The following SLC30A3 variants were observed in gnomAD, a reference collection of about 807,000 sequenced individuals.
The protein encoded by SLC30A3 is solute carrier family 30 member 3.
In SLC30A3, 20 loss-of-function variants were observed where a neutral mutation model predicts 35.6. The observed-to-expected ratio is 0.56, with a 90% confidence interval of 0.39 to 0.82. The LOEUF is 0.82. Ranked by LOEUF, SLC30A3 falls within the 40% of genes least tolerant of loss-of-function variation. The probability of loss-of-function intolerance (pLI) is 0.00; values close to 1 mark genes in which losing one functional copy is unlikely to be tolerated. For synonymous variants in SLC30A3, 217 were observed against 224.7 expected, an observed-to-expected ratio of 0.97 and a Z score of 0.31; for missense variants, 401 against 530.6, an observed-to-expected ratio of 0.76 and a Z score of 2.40.
chr2:27,273,053 T>TAC (rs1443693255), intron 1 of SLC30A3, among the ~76,000 whole-genome samples: 5 of 136,958 alleles, frequency 3.7e-5, no homozygotes, highest in African/African-American at 1.5e-4. Flanking sequence ...AAAAAAAAAA[T>TAC]ATATATATAT....
intron 1 of SLC30A3, among the ~76,000 whole-genome samples, chr2:27,273,671 G>A (rs1677837054): frequency 6.6e-6 from 1 of 152,138 alleles, no homozygotes; most frequent in Non-Finnish European, 1.5e-5. Flanking sequence ...CCCTCTCCCT[G>A]CACTGACCAC....
chr2:27,266,752 C>T (rs1677512414), upstream of SLC30A3, among the ~76,000 whole-genome samples: 1 of 152,096 alleles, frequency 6.6e-6, no homozygotes, highest in East Asian at 1.9e-4. Context: ...CAAAAATTAG[C>T]TGGGTGTGGT....
At chr2:27,275,320 T>C in exon 1 of SLC30A3, 1 of 846,214 alleles carries the variant, frequency 1.2e-6, no homozygotes, top group Non-Finnish European at 1.7e-6. Flanking sequence ...CTACGCTGCC[T>C]TGGGCCGCAG....
At chr2:27,266,060 C>CTTT (rs1237606332), upstream of SLC30A3, among the ~76,000 whole-genome samples, 1 of 136,718 alleles carries the variant, frequency 7.3e-6, no homozygotes, top group African/African-American at 2.7e-5. Context: ...CTGTTTTGTT[C>CTTT]TTTTTTTTTT....
upstream of SLC30A3, among the ~76,000 whole-genome samples, chr2:27,267,537 G>C (rs1413404209): frequency 1.3e-5 from 2 of 152,098 alleles, no homozygotes; most frequent in Non-Finnish European, 2.9e-5. Flanking sequence ...TATCTCACCA[G>C]CTGTAATGCA....
In SLC30A3 at chr2:27,255,518, C is replaced by G. The variant is rs1676799839; in HGVS notation, c.1019-58G>C. ...CCGGGGGAGAAAGAACAGGCAGGGA[C>G]TGAGATAAGGACAGGGAAAGGGGCT... On this transcript the variant is annotated intron_variant, in intron 7 of 7. Coordinates refer to ENST00000233535, the MANE Select transcript of SLC30A3 (RefSeq NM_003459.5). The surrounding 1 kb of genome is among the most constrained non-coding windows in gnomAD (Gnocchi z 5.2). 1 of 1,584,472 alleles carries G rather than the reference C, an allele frequency of 6.3e-7. No individual in the cohort carries two copies. Among genetic ancestry groups the G allele is most frequent in the Admixed American group, 1.8e-5 (1 of 54,732 alleles).
intron 1 of SLC30A3, among the ~76,000 whole-genome samples, chr2:27,259,649 G>A (rs896136643): frequency 1.3e-5 from 2 of 152,122 alleles, no homozygotes; most frequent in Non-Finnish European, 2.9e-5. Flanking sequence ...CACCGCACCC[G>A]GCTCTCATCT....
At chr2:27,259,744 A>G (rs72817533) in intron 1 of SLC30A3, among the ~76,000 whole-genome samples, 36,376 of 152,028 alleles carry the variant, frequency 0.24, 4,643 homozygotes, top group Admixed American at 0.36. Flanking sequence ...GCTAGAGCTG[A>G]GACTAGACCC....
Position 27,256,440 on chromosome 2 carries a change from G to T in SLC30A3, c.964C>A (p.His322Asn), listed in dbSNP as rs1028717452. 1 of 1,614,126 alleles carries T rather than the reference G, an allele frequency of 6.2e-7. No individual in the cohort carries two copies. Among genetic ancestry groups the T allele is most frequent in the Admixed American group, 1.7e-5 (1 of 60,022 alleles). ...TAAGTGAGCGTAAGGGCCCACAGGT[G>T]CAGCTCATGGGTTGCCCGGACTCCT... Reference protein sequence around the residue: ...VPGVRATHELHLWALTLTYHV... With the variant: ...VPGVRATHELNLWALTLTYHV... Residue 322 changes from histidine (H) to asparagine (N), a missense_variant, in exon 7 of 8, where the codon CAC becomes AAC. By Grantham distance (68) the His-to-Asn change is moderately conservative. Transcript: ENST00000233535.
chr2:27,256,328 C>G, intron 7 of SLC30A3, 58 bp downstream of exon 7: 2 of 1,595,030 alleles, frequency 1.3e-6, no homozygotes. Context: ...AGCTATGGTC[C>G]CATGTTTGGG....
intron 6 of SLC30A3, 132 bp downstream of exon 6, chr2:27,256,656 C>A: frequency 1.5e-6 from 2 of 1,363,594 alleles, no homozygotes; most frequent in East Asian, 4.7e-5. Context: ...ATGCCCAAAT[C>A]CTTGTTCCAG....
At chr2:27,259,813 A>C (rs998460995) in intron 1 of SLC30A3, among the ~76,000 whole-genome samples, 2 of 152,072 alleles carry the variant, frequency 1.3e-5, no homozygotes, top group African/African-American at 4.8e-5. Flanking sequence ...GATCTCTGAG[A>C]GCTTTTGGTG....
At chr2:27,256,145 CAA>C (rs1676834167) in intron 7 of SLC30A3, 1 of 549,966 alleles carries the variant, frequency 1.8e-6, no homozygotes, top group Non-Finnish European at 3.3e-6. Flanking sequence ...TGTGCTACTT[CAA>C]AGAGGGTGAA....
intron 1 of SLC30A3, chr2:27,261,863 C>G (rs949462348): frequency 6.6e-6 from 1 of 152,514 alleles, no homozygotes; most frequent in African/African-American, 2.4e-5. Context: ...CTCCCCCAAC[C>G]CAGCTTGAAG....
chr2:27,254,059 A>C lies in SLC30A3; in HGVS notation c.*1253T>G, dbSNP rs1415027085. 1 of 152,196 alleles carries C rather than the reference A, an allele frequency of 6.6e-6. No individual in the cohort carries two copies. Among genetic ancestry groups the C allele is most frequent in the African/African-American group, 2.4e-5 (1 of 41,446 alleles). 9.4% of individuals were successfully genotyped at this position (152,196 alleles called of 1,614,324 possible). A position where few individuals can be genotyped will look rare whatever the true frequency, so the allele number is the denominator to read the frequency against. On this transcript the variant is annotated 3_prime_UTR_variant, in exon 8 of 8. Coordinates refer to ENST00000233535, the MANE Select transcript of SLC30A3 (RefSeq NM_003459.5). ...TCAAAATATGCAGTTCTTAAGACAA[A>C]GGGGGAATAGGTGTAAAAGAGGTCC...
Position 27,257,383 on chromosome 2 carries a change from G to T in SLC30A3, c.579-31C>A, listed in dbSNP as rs1216855894. On this transcript the variant is annotated intron_variant, in intron 4 of 7. Coordinates refer to ENST00000233535, the MANE Select transcript of SLC30A3 (RefSeq NM_003459.5). This position sits in a 1 kb window ranked among gnomAD's most constrained non-coding sequence, Gnocchi z 4.7. ...GGGTAAGCAGAGCACCTCAGCCTAG[G>T]GCCCTGCTCCTGGCCTCCTATACCC... 1.9e-5 allele frequency: 30 copies of T among 1,575,160 alleles called. No individual in the cohort carries two copies. Among genetic ancestry groups the T allele is most frequent in the Admixed American group, 5.5e-5 (3 of 54,530 alleles).
At chr2:27,263,057 G>A, upstream of SLC30A3, 1 of 1,362,398 alleles carries the variant, frequency 7.3e-7, no homozygotes, top group Middle Eastern at 2.7e-4. Context: ...TGTGGCGCGC[G>A]GAGTCCGAAC....
intron 1 of SLC30A3, among the ~76,000 whole-genome samples, chr2:27,268,067 T>C (rs1458205999): frequency 6.6e-6 from 1 of 152,226 alleles, no homozygotes; most frequent in Non-Finnish European, 1.5e-5. Flanking sequence ...ACTCATTTTG[T>C]TTACTGTCTG....
intron 1 of SLC30A3, chr2:27,275,164 G>A (rs1297589717): frequency 2.3e-6 from 3 of 1,302,554 alleles, no homozygotes; most frequent in Non-Finnish European, 3.0e-6. Flanking sequence ...AGAAGGGCAT[G>A]CAGCAGCCAT....
Sources: gnomAD v4.1 joint callset for allele counts (sites outside exome capture counted in the v4.1 genomes callset) on GRCh38, gnomAD v4.1.1 for gene constraint, Gnocchi (gnomAD v3.1) non-coding constraint, MANE v1.5 for transcripts, NCBI Gene and HGNC (gene_info 2026-07-23, HGNC 2026-07-21) for gene names.